The following OXTR variants were observed in gnomAD, a reference collection of about 807,000 sequenced individuals.
OXTR encodes oxytocin receptor.
In OXTR, 19 loss-of-function variants were observed where a neutral mutation model predicts 23.9. The ratio of observed to expected loss-of-function variants is 0.80; its 90% CI spans 0.56 to 1.17. The LOEUF is 1.17. OXTR is among the 50% of genes most tolerant of loss of function. The probability of loss-of-function intolerance (pLI) is 0.00; values close to 1 mark genes in which losing one functional copy is unlikely to be tolerated. For missense variants in OXTR, 500 were observed against 550.7 expected (o/e 0.91, Z 0.92); for synonymous variants, 278 against 250.5 (o/e 1.11, Z -1.04).
In OXTR at chr3:8,752,796, G is replaced by T; in HGVS notation, c.*181C>A. ...GAGGCCAGGGTGTTGTCTGATGGCT[G>T]AGTCCCCTATCATCTTCCATCATGG... On this transcript the variant is annotated 3_prime_UTR_variant, in exon 4 of 4. Transcript: ENST00000316793. The T allele has an allele frequency of 1.6e-6, 1 of 631,408 alleles. No homozygotes were observed. Among genetic ancestry groups the T allele is most frequent in the Non-Finnish European group, 2.7e-6 (1 of 369,284 alleles). The allele number at this position is 631,408 out of a possible 1,614,324, so 39.1% of individuals were successfully genotyped here.
the OXTR span, among the ~76,000 whole-genome samples, chr3:8,744,571 T>A: frequency 6.7e-5 from 10 of 149,994 alleles, no homozygotes; most frequent in African/African-American, 2.0e-4. Flanking sequence ...ATTGACTCCA[T>A]CTTACAGACA....
chr3:8,755,906 C>T (rs1463982720), intron 3 of OXTR, among the ~76,000 whole-genome samples: 1 of 152,142 alleles, frequency 6.6e-6, no homozygotes, highest in African/African-American at 2.4e-5. Context: ...TTGAGAACAG[C>T]CAAGATCACT....
downstream of OXTR, chr3:8,745,876 G>C (rs749424132): frequency 1.2e-6 from 2 of 1,606,618 alleles, no homozygotes; most frequent in Non-Finnish European, 1.7e-6. The surrounding 1 kb of genome is among the most constrained non-coding windows in gnomAD (Gnocchi z 4.8). Flanking sequence ...AAAGCCAGGT[G>C]GGGCAACAGC....
At chr3:8,744,737 T>A in the OXTR span, 1 of 152,214 alleles carries the variant, frequency 6.6e-6, no homozygotes, top group Non-Finnish European at 1.5e-5. Flanking sequence ...AGTAAATTGC[T>A]GTAGGATGCA....
the OXTR span, chr3:8,745,053 GGT>G: frequency 6.6e-5 from 11 of 166,730 alleles, no homozygotes; most frequent in Non-Finnish European, 1.3e-4. The surrounding 1 kb of genome is among the most constrained non-coding windows in gnomAD (Gnocchi z 4.8). Context: ...CAATATTGGA[GGT>G]GGGGCCGGGT....
At chr3:8,759,101 A>G (rs1708435275) in intron 3 of OXTR, among the ~76,000 whole-genome samples, 1 of 152,200 alleles carries the variant, frequency 6.6e-6, no homozygotes, top group Non-Finnish European at 1.5e-5. Context: ...TTAAAGTTTG[A>G]GCAGCTTCCT....
At position 8,767,198 on chromosome 3, in the gene OXTR, A is replaced by G. The variant is rs567844723; in HGVS notation, c.922+68T>C. ...AGTCCACAGACCCCTGGACATTCTG[A>G]GGCAGCAAGATAAGGGCCTCCCCCA... is the stretch of plus-strand genomic sequence containing the variant. On this transcript the variant is annotated intron_variant, in intron 3 of 3. Transcript: ENST00000316793. 5.0e-5 allele frequency: 72 copies of G among 1,442,106 alleles called. No individual in the cohort carries two copies. In the South Asian group the frequency reaches 9.0e-4, roughly 18 times the overall value. 89.3% of individuals were successfully genotyped at this position (1,442,106 alleles called of 1,614,324 possible).
chr3:8,767,935 C>G lies in OXTR; in HGVS notation c.253G>C (p.Asp85His), dbSNP rs1241587080. ...ACCTGAAACACTGCCACCACCAGGT[C>G]GGCGATGCTTAGGTGCTTCATGAAG... is the stretch of plus-strand genomic sequence containing the variant. ...FFFMKHLSIA[D>H]LVVAVFQVLP... The change falls in exon 3 of 4, where the codon GAC (aspartate) becomes CAC (histidine). Residue 85 changes from aspartate to histidine, a missense_variant. By Grantham distance (81) the Asp-to-His change is moderately conservative (BLOSUM62 -1). Transcript: ENST00000316793. 1.9e-6 allele frequency: 3 copies of G among 1,613,452 alleles called. No homozygotes were observed. Among genetic ancestry groups the G allele is most frequent in the Admixed American group, 3.3e-5 (2 of 59,978 alleles).
chr3:8,753,258 G>A, intron 3 of OXTR, 34 bp from the exon 4 acceptor site: 1 of 1,609,198 alleles, frequency 6.2e-7, no homozygotes, highest in Non-Finnish European at 8.5e-7. Flanking sequence ...AGGAGAAAAG[G>A]GCATTAATTA....
At chr3:8,762,101 G>A (rs371668387) in intron 3 of OXTR, among the ~76,000 whole-genome samples, 4 of 152,166 alleles carry the variant, frequency 2.6e-5, no homozygotes, top group Admixed American at 1.3e-4. Flanking sequence ...ACCCAGACAC[G>A]CCAGCCCGGG....
At chr3:8,747,979 G>A (rs926901143), downstream of OXTR, among the ~76,000 whole-genome samples, 1 of 152,180 alleles carries the variant, frequency 6.6e-6, no homozygotes, top group African/African-American at 2.4e-5. Flanking sequence ...ACACATCTGA[G>A]ATGCATGGGT....
rs1708301775 is a variant in OXTR, at chr3:8,753,113, A to C, written c.1034T>G (p.Leu345Arg). Residue 345 changes from leucine (L) to arginine (R), a missense_variant, in exon 4 of 4, where the codon CTG becomes CGG. Physicochemically the swap from Leu to Arg is moderately radical, Grantham distance 102. Transcript: ENST00000316793. ...CTTCAGGTAGCTGGCGGAGCAGCAC[A>C]GGAAGCGCTGCACGAGTTCGTGGAA... ...HLFHELVQRF[L>R]CCSASYLKGR... is the part of the protein sequence containing the mutation. The C allele has an allele frequency of 6.2e-7, 1 of 1,614,042 alleles. No homozygotes were observed. Among genetic ancestry groups the C allele is most frequent in the African/African-American group, 1.3e-5 (1 of 74,910 alleles).
chr3:8,769,060 G>T (rs1389149914), intron 1 of OXTR, among the ~76,000 whole-genome samples, 171 bp downstream of exon 1: 3 of 152,186 alleles, frequency 2.0e-5, no homozygotes, highest in African/African-American at 4.8e-5. Flanking sequence ...TTTGGACCCA[G>T]ATAATCAAGG....
downstream of OXTR, chr3:8,746,459 G>C (rs187370461): frequency 6.5e-6 from 1 of 152,784 alleles, no homozygotes. Flanking sequence ...TGCTGGAACC[G>C]TACACGTTCC....
At chr3:8,745,983 C>G (rs72546664), downstream of OXTR, 610 of 772,078 alleles carry the variant, frequency 7.9e-4, 2 homozygotes, top group African/African-American at 7.9e-3. The surrounding 1 kb of genome is among the most constrained non-coding windows in gnomAD (Gnocchi z 4.8). Flanking sequence ...CTGCTCCATA[C>G]CCCATGATGG....
chr3:8,753,329 T>C, intron 3 of OXTR, 105 bp from the exon 4 acceptor site: 1 of 1,307,084 alleles, frequency 7.7e-7, no homozygotes, highest in South Asian at 1.4e-5. Context: ...GACAGCCTTG[T>C]CCAAGTACTA....
At chr3:8,749,047 G>A (rs1205216747), downstream of OXTR, among the ~76,000 whole-genome samples, 1 of 151,830 alleles carries the variant, frequency 6.6e-6, no homozygotes, top group African/African-American at 2.4e-5. Flanking sequence ...GTAGGGAAAG[G>A]TGGTTGGCAG....
At chr3:8,742,654 C>G in the OXTR span, 12 of 410,580 alleles carry the variant, frequency 2.9e-5, no homozygotes, top group Non-Finnish European at 4.9e-5. Context: ...AATAGCCAGG[C>G]ATTGTGCTAA....
chr3:8,744,783 T>A, the OXTR span: 1 of 152,232 alleles, frequency 6.6e-6, no homozygotes, highest in Non-Finnish European at 1.5e-5. Context: ...CATAAAACAA[T>A]AGAATTTGAG....
Sources: gnomAD v4.1 joint callset for allele counts (sites outside exome capture counted in the v4.1 genomes callset) on GRCh38, gnomAD v4.1.1 for gene constraint, Gnocchi (gnomAD v3.1) non-coding constraint, MANE v1.5 for transcripts, NCBI Gene and HGNC (gene_info 2026-07-23, HGNC 2026-07-21) for gene names.